NLGN1: variants seen among roughly 807,000 people sequenced by gnomAD.
NLGN1 encodes the protein neuroligin-1.
NLGN1 carries 12 observed loss-of-function variants against 65.5 expected under a neutral mutation model. That is an observed-to-expected ratio of 0.18 (90% CI 0.12 to 0.30). NLGN1 has a LOEUF of 0.30. NLGN1 is among the 10% of genes least tolerant of loss of function. NLGN1 has a pLI of 1.00. For missense variants in NLGN1, 750 were observed against 1,007.1 expected, an observed-to-expected ratio of 0.74 and a Z score of 3.46; for synonymous variants, 350 against 359.5, an observed-to-expected ratio of 0.97 and a Z score of 0.30.
Position 173,525,270 on chromosome 3 carries a change from G to A in NLGN1, c.-320-79009G>A, listed in dbSNP as rs35576000. ...GTTGTTGTTGTTGTTGTTGGAAGAT[G>A]TTTTATTACTGATTTGATTTTGTGA... is the stretch of plus-strand genomic sequence containing the variant. On this transcript the variant is annotated intron_variant, in intron 2 of 6. Transcript: ENST00000457714. Among the ~76,000 whole-genome samples the A allele has an allele frequency of 8.6e-5, 13 of 151,748 alleles. No individual in the cohort carries two copies. In the East Asian group the frequency reaches 2.5e-3, roughly 29 times the overall value.
At chr3:173,766,088 C>CTTTTTT (rs34830188) in intron 3 of NLGN1, among the ~76,000 whole-genome samples, 1 of 135,886 alleles carries the variant, frequency 7.4e-6, no homozygotes, top group African/African-American at 2.7e-5. Context: ...TATGTTTTGT[C>CTTTTTT]TTTTTTTTTT....
chr3:174,168,883 G>A (rs529865840), intron 4 of NLGN1, among the ~76,000 whole-genome samples: 3 of 152,188 alleles, frequency 2.0e-5, no homozygotes, highest in African/African-American at 7.2e-5. Flanking sequence ...TTAGCTCCAA[G>A]TTCTCTGCAT....
chr3:173,628,700 T>A lies in NLGN1; in HGVS notation c.493+23609T>A, dbSNP rs186042953. Among the ~76,000 whole-genome samples, 14 of 152,052 alleles carry A rather than the reference T, an allele frequency of 9.2e-5. No individual in the cohort carries two copies. The East Asian group carries it at 1.7e-3, about 19-fold the overall frequency. On this transcript the variant is annotated intron_variant, in intron 3 of 6. Transcript: ENST00000457714. ...ATATTTTATTTTATTTATGTTATTA[T>A]TATTATTATTTGAAATAGAGTCTTG...
intron 4 of NLGN1, among the ~76,000 whole-genome samples, chr3:173,975,437 G>C (rs1717215579): frequency 6.6e-6 from 1 of 151,884 alleles, no homozygotes; most frequent in Non-Finnish European, 1.5e-5. Flanking sequence ...TTGACAGTTT[G>C]GTGCTGTGCA....
chr3:173,411,727 A>G (rs778448964), intron 1 of NLGN1, among the ~76,000 whole-genome samples: 5 of 152,084 alleles, frequency 3.3e-5, no homozygotes, highest in Non-Finnish European at 7.4e-5. Flanking sequence ...CTTATCTAAT[A>G]TTATTCCATG....
chr3:173,450,924 A>G (rs1244293276), intron 2 of NLGN1, among the ~76,000 whole-genome samples: 1 of 152,128 alleles, frequency 6.6e-6, no homozygotes, highest in African/African-American at 2.4e-5. Context: ...AGGTCCCTTA[A>G]AGACTTCTCT....
chr3:173,997,703 T>C (rs1722543033), intron 4 of NLGN1, among the ~76,000 whole-genome samples: 1 of 152,078 alleles, frequency 6.6e-6, no homozygotes, highest in Non-Finnish European at 1.5e-5. Context: ...GGTTCCAGAT[T>C]ATATTCTTAA....
chr3:173,986,449 A>G (rs557575692), intron 4 of NLGN1, among the ~76,000 whole-genome samples: 1 of 152,342 alleles, frequency 6.6e-6, no homozygotes, highest in South Asian at 2.1e-4. Flanking sequence ...AGCCTAGGCA[A>G]CAGAGCAAGA....
chr3:173,585,210 T>G (rs1423084001), intron 2 of NLGN1, among the ~76,000 whole-genome samples: 3 of 152,098 alleles, frequency 2.0e-5, no homozygotes, highest in Non-Finnish European at 2.9e-5. Flanking sequence ...AAAACCTTGT[T>G]TTTGTGGCGT....
intron 4 of NLGN1, among the ~76,000 whole-genome samples, chr3:173,981,909 GCTTT>G (rs1367888238): frequency 4.0e-5 from 6 of 151,868 alleles, no homozygotes; most frequent in African/African-American, 1.5e-4. Context: ...CTTCCAAGCT[GCTTT>G]CTTTTTTCTT....
intron 2 of NLGN1, among the ~76,000 whole-genome samples, chr3:173,493,247 A>G (rs1464136110): frequency 2.0e-5 from 3 of 151,792 alleles, no homozygotes; most frequent in African/African-American, 4.9e-5. Context: ...AATTCTATCC[A>G]GGCGTGTTTA....
intron 4 of NLGN1, among the ~76,000 whole-genome samples, chr3:174,168,757 C>T (rs962086837): frequency 3.3e-5 from 5 of 152,116 alleles, no homozygotes; most frequent in South Asian, 2.1e-4. Context: ...AGGGGATGAC[C>T]GGGGCACATC....
chr3:174,271,459 G>C (rs1337216709), intron 4 of NLGN1, among the ~76,000 whole-genome samples: 1 of 151,830 alleles, frequency 6.6e-6, no homozygotes, highest in Non-Finnish European at 1.5e-5. Flanking sequence ...CTGTCAGAGA[G>C]TTATCTGAGT....
intron 4 of NLGN1, among the ~76,000 whole-genome samples, chr3:174,188,695 C>CT (rs34139246): frequency 1.3e-5 from 2 of 151,892 alleles, no homozygotes; most frequent in African/African-American, 4.8e-5. Context: ...TAAACTCACC[C>CT]TTTTTTTCCA....
At chr3:174,136,274 G>T (rs1721190607) in intron 4 of NLGN1, among the ~76,000 whole-genome samples, 1 of 152,024 alleles carries the variant, frequency 6.6e-6, no homozygotes, top group Non-Finnish European at 1.5e-5. Context: ...ACATACTATT[G>T]GGTGTTTGTT....
intron 4 of NLGN1, among the ~76,000 whole-genome samples, chr3:174,067,032 T>C (rs1738759537): frequency 6.6e-6 from 1 of 152,176 alleles, no homozygotes; most frequent in Admixed American, 6.6e-5. Context: ...TCTGAATTTG[T>C]TGTTTAATAA....
At chr3:174,216,280 C>A (rs1302820377) in intron 4 of NLGN1, among the ~76,000 whole-genome samples, 1 of 152,088 alleles carries the variant, frequency 6.6e-6, no homozygotes, top group African/African-American at 2.4e-5. Flanking sequence ...GAAGGCTTCA[C>A]AGAATGTGTG....
intron 2 of NLGN1, among the ~76,000 whole-genome samples, chr3:173,528,841 G>A (rs9842250): frequency 7.0e-4 from 107 of 152,092 alleles, no homozygotes; most frequent in African/African-American, 2.5e-3. Context: ...CATTTCCTGG[G>A]TTGCTTTTAG....
chr3:174,023,672 TG>T (rs1339150741), intron 4 of NLGN1, among the ~76,000 whole-genome samples: 5 of 152,020 alleles, frequency 3.3e-5, no homozygotes, highest in Non-Finnish European at 7.4e-5. Context: ...AGTCTTTGAG[TG>T]GTTGGAGCGC....
Sources: allele counts gnomAD v4.1 joint callset (sites outside exome capture counted in the v4.1 genomes callset), GRCh38; gene constraint gnomAD v4.1.1; transcripts MANE v1.5; gene names NCBI Gene and HGNC (gene_info 2026-07-23, HGNC 2026-07-21).